RAI2: variants seen among roughly 807,000 people sequenced by gnomAD.
The protein encoded by RAI2 is retinoic acid-induced protein 2.
RAI2 carries 5 observed loss-of-function variants against 15.3 expected under a neutral mutation model. The observed-to-expected ratio is 0.33, with a 90% CI of 0.17 to 0.69. The LOEUF is 0.69. RAI2 is among the 30% of genes least tolerant of loss of function. RAI2 has a pLI of 0.69. For synonymous variants in RAI2, 191 were observed against 184.0 expected (o/e 1.04, Z -0.31); for missense variants, 424 against 424.7 (o/e 1.00, Z 0.01).
At chrX:17,828,063 T>C (rs1162120547) in intron 1 of RAI2, among the ~76,000 whole-genome samples, 1 of 111,048 alleles carries the variant, frequency 9.0e-6, no homozygotes, top group Non-Finnish European at 1.9e-5. Context: ...CTACTGGTAC[T>C]GAGTGGGTAG....
chrX:17,809,879 T>C (rs868596601), intron 1 of RAI2, among the ~76,000 whole-genome samples: 7 of 111,599 alleles, frequency 6.3e-5, no homozygotes, highest in African/African-American at 2.0e-4. Context: ...GCAACCCTCC[T>C]GCCTCAGCCT....
rs59727840 is a variant in RAI2 at position 17,808,509 on chromosome X, C to T, written c.-24-6475G>A. Among the ~76,000 whole-genome samples the T allele has an allele frequency of 7.2e-3, 806 of 111,352 alleles. 7 individuals carry two copies. Among genetic ancestry groups the T allele is most frequent in the African/African-American group, 0.025 (769 of 30,577 alleles). On this transcript the variant is annotated intron_variant, in intron 1 of 1. Coordinates refer to ENST00000451717, the MANE Select transcript of RAI2 (RefSeq NM_021785.6). ...GTGATTCTAATGTACAGTGAGGTTG[C>T]GGACCCTTAATCTAAAGGCCAGAGC...
intron 1 of RAI2, among the ~76,000 whole-genome samples, chrX:17,803,277 G>A (rs1380480084): frequency 9.0e-6 from 1 of 111,404 alleles, no homozygotes; most frequent in African/African-American, 3.3e-5. Flanking sequence ...TGTAATCTCA[G>A]CACTTTGGGA....
In RAI2 at chrX:17,800,754, G is replaced by A. The variant is rs772769154; in HGVS notation, c.1257C>T (p.Ser419=). 2.1e-5 allele frequency: 25 copies of A among 1,209,840 alleles called. No homozygotes were observed. The highest frequency in any genetic ancestry group is 2.8e-5 in the Non-Finnish European group (25 of 895,264). The change falls in exon 2 of 2, where the codon AGC becomes AGT. Residue 419 remains serine (S), a synonymous_variant. Coordinates refer to ENST00000451717, the MANE Select transcript of RAI2 (RefSeq NM_021785.6). Reference sequence around the variant, plus strand: ...TGTTATTTTCAGCCTTGACTTCGCCGCTGGGGTGGTTGGGCTGGCTGAGCA... The same window carrying A: ...TGTTATTTTCAGCCTTGACTTCGCCACTGGGGTGGTTGGGCTGGCTGAGCA... ...TEMLSQPNHP[S]GEVKAENNIE...
At position 17,856,321 on chromosome X, in the gene RAI2, T is replaced by C. The variant is rs1486157212; in HGVS notation, c.-25+4777A>G. On this transcript the variant is annotated intron_variant, in intron 1 of 1. Coordinates refer to ENST00000451717, the MANE Select transcript of RAI2 (RefSeq NM_021785.6). ...AATCCTAATCCCCAACGTGATGGTATTAAGAGGTGGGGCATTTGGTTGGTG... is the reference window on the plus strand; with the variant it reads ...AATCCTAATCCCCAACGTGATGGTACTAAGAGGTGGGGCATTTGGTTGGTG... Among the ~76,000 whole-genome samples, 3 of 111,756 alleles carry C rather than the reference T, an allele frequency of 2.7e-5. No individual in the cohort carries two copies. The Admixed American group carries it at 2.8e-4, about 11-fold the overall frequency.
At chrX:17,818,537 G>A (rs1309319080) in intron 1 of RAI2, among the ~76,000 whole-genome samples, 1 of 111,403 alleles carries the variant, frequency 9.0e-6, no homozygotes. Context: ...TGAAATTGAT[G>A]GCTTGCTCTT....
intron 1 of RAI2, among the ~76,000 whole-genome samples, chrX:17,828,164 G>A (rs1052850139): frequency 9.0e-6 from 1 of 110,803 alleles, no homozygotes; most frequent in African/African-American, 3.3e-5. Context: ...TAGTGCTACG[G>A]GTGGGTCACC....
intron 1 of RAI2, among the ~76,000 whole-genome samples, chrX:17,808,984 C>G (rs2067011939): frequency 8.9e-6 from 1 of 112,328 alleles, no homozygotes; most frequent in African/African-American, 3.2e-5. Flanking sequence ...TTTCCTCTCC[C>G]CATAGGGTAT....
chrX:17,808,567 G>A (rs1023857854), intron 1 of RAI2, among the ~76,000 whole-genome samples: 3 of 110,916 alleles, frequency 2.7e-5, no homozygotes, highest in African/African-American at 6.6e-5. Flanking sequence ...CTTCTCAATC[G>A]CCCATCTTCC....
At chrX:17,855,029 ACCATAGTG>A (rs2067583735) in intron 1 of RAI2, among the ~76,000 whole-genome samples, 1 of 111,639 alleles carries the variant, frequency 9.0e-6, no homozygotes, top group African/African-American at 3.3e-5. Context: ...ATGTGATGAT[ACCATAGTG>A]CCAGCCAAAA....
chrX:17,826,076 A>G (rs1028086553), intron 1 of RAI2, among the ~76,000 whole-genome samples: 12 of 112,642 alleles, frequency 1.1e-4, no homozygotes, highest in Non-Finnish European at 2.1e-4. Context: ...GTACTTTAAA[A>G]TAAAAGCCAA....
At chrX:17,838,724 A>C (rs1486546899) in intron 1 of RAI2, among the ~76,000 whole-genome samples, 1 of 109,689 alleles carries the variant, frequency 9.1e-6, no homozygotes, top group African/African-American at 3.3e-5. Context: ...ATCCACACAC[A>C]CTCCATGCCC....
chrX:17,827,465 T>A (rs1166579945), intron 1 of RAI2, among the ~76,000 whole-genome samples: 1 of 112,411 alleles, frequency 8.9e-6, no homozygotes, highest in Non-Finnish European at 1.9e-5. Context: ...GTATACACAG[T>A]GCCAGGTACT....
intron 1 of RAI2, among the ~76,000 whole-genome samples, chrX:17,820,836 G>A (rs1478117229): frequency 9.1e-6 from 1 of 110,344 alleles, no homozygotes; most frequent in Non-Finnish European, 1.9e-5. Context: ...GATTGTCTAT[G>A]CCAACCTCTC....
chrX:17,815,869 C>A (rs756934464), intron 1 of RAI2, among the ~76,000 whole-genome samples: 9 of 111,179 alleles, frequency 8.1e-5, no homozygotes. Flanking sequence ...GACAACTCAA[C>A]CGACACAATC....
intron 1 of RAI2, among the ~76,000 whole-genome samples, chrX:17,860,863 G>T (rs1326551007): frequency 1.9e-5 from 2 of 105,183 alleles, no homozygotes; most frequent in Non-Finnish European, 4.0e-5. Context: ...GAACGGGAGC[G>T]GGGCCCCGGC....
At chrX:17,858,850 C>T (rs1449516596) in intron 1 of RAI2, among the ~76,000 whole-genome samples, 2 of 111,719 alleles carry the variant, frequency 1.8e-5, no homozygotes, top group Admixed American at 1.9e-4. Flanking sequence ...GGCTTTTTTT[C>T]ATCATAAAGG....
chrX:17,811,947 T>C (rs1269788684), intron 1 of RAI2, among the ~76,000 whole-genome samples: 2 of 111,607 alleles, frequency 1.8e-5, no homozygotes, highest in Non-Finnish European at 3.8e-5. Flanking sequence ...CCTGTCACAT[T>C]GGGTGGTTGT....
In RAI2 at chrX:17,802,052, C is replaced by T. The variant is rs753988244; in HGVS notation, c.-24-18G>A. 3 of 1,149,383 alleles carry T rather than the reference C, an allele frequency of 2.6e-6. No homozygotes were observed. Among genetic ancestry groups the T allele is most frequent in the South Asian group, 2.1e-5 (1 of 48,018 alleles). 94.7% of individuals were successfully genotyped at this position (1,149,383 alleles called of 1,213,427 possible). ...CACTTGGCCTGCAACACAGAACATA[C>T]AATATGAATCTTCCTTAAAAGACTA... is the stretch of plus-strand genomic sequence containing the variant. On this transcript the variant is annotated intron_variant, in intron 1 of 1. Coordinates refer to ENST00000451717, the MANE Select transcript of RAI2 (RefSeq NM_021785.6).
Sources: gnomAD v4.1 joint callset for allele counts (sites outside exome capture counted in the v4.1 genomes callset) on GRCh38, gnomAD v4.1.1 for gene constraint, MANE v1.5 for transcripts, NCBI Gene and HGNC (gene_info 2026-07-23, HGNC 2026-07-21) for gene names.